The following SETDB2 variants were observed in gnomAD, a reference collection of about 807,000 sequenced individuals.
The protein encoded by SETDB2 is histone-lysine N-methyltransferase SETDB2.
Under a neutral mutation model 82.5 loss-of-function variants are expected in SETDB2, and 56 were observed. The ratio of observed to expected loss-of-function variants is 0.68; its 90% CI spans 0.55 to 0.85. The LOEUF (loss-of-function observed/expected upper bound fraction) is 0.85, where lower values mean the gene tolerates loss of function less well. Among genes scored for constraint, SETDB2 ranks in the 40% least tolerant of loss-of-function variants. SETDB2 has a pLI of 0.00. For synonymous variants in SETDB2, 272 were observed against 284.9 expected (o/e 0.95, Z 0.46); for missense variants, 677 against 816.4 (o/e 0.83, Z 2.08).
intron 5 of SETDB2, among the ~76,000 whole-genome samples, chr13:49,473,393 A>T (rs1536194): frequency 0.72 from 108,758 of 151,406 alleles, 39,301 homozygotes; most frequent in East Asian, 0.82. Context: ...CTACCAAAAA[A>T]GCAAAAAATT....
intron 1 of SETDB2, among the ~76,000 whole-genome samples, chr13:49,448,338 A>G (rs951891992): frequency 2.6e-5 from 4 of 152,054 alleles, no homozygotes; most frequent in African/African-American, 7.2e-5. Context: ...TTCATTTGTT[A>G]TTATTTATTT....
intron 4 of SETDB2, among the ~76,000 whole-genome samples, chr13:49,462,015 G>A (rs1264081033): frequency 4.6e-5 from 7 of 152,224 alleles, no homozygotes; most frequent in Admixed American, 4.6e-4. Flanking sequence ...GCAAAGTTGG[G>A]AAGGGCCTGA....
intron 4 of SETDB2, among the ~76,000 whole-genome samples, chr13:49,462,836 C>T (rs1207235320): frequency 6.6e-6 from 1 of 152,098 alleles, no homozygotes; most frequent in African/African-American, 2.4e-5. Context: ...TACAGTATAG[C>T]TTTAGAAGAG....
chr13:49,467,826 C>A, intron 4 of SETDB2, 38 bp from the exon 5 acceptor site: 1 of 1,499,792 alleles, frequency 6.7e-7, no homozygotes, highest in South Asian at 1.2e-5. Flanking sequence ...TGGTTTTTAA[C>A]TTGGTATATT....
chr13:49,485,308 G>A (rs930380450), intron 10 of SETDB2, among the ~76,000 whole-genome samples: 1 of 152,178 alleles, frequency 6.6e-6, no homozygotes, highest in Non-Finnish European at 1.5e-5. Context: ...TTATAATCTA[G>A]TAATAACACT....
Position 49,483,464 on chromosome 13 carries a change from G to T in SETDB2, c.1383G>T (p.Val461=). 1 of 1,298,712 alleles carries T rather than the reference G, an allele frequency of 7.7e-7. No homozygotes were observed. Among genetic ancestry groups the T allele is most frequent in the Non-Finnish European group, 1.1e-6 (1 of 945,818 alleles). 80.4% of individuals were successfully genotyped at this position (1,298,712 alleles called of 1,614,324 possible). Residue 461 remains valine, a splice_region_variant and synonymous_variant, in exon 10 of 14, where the codon GTG becomes GTT. Coordinates refer to ENST00000611815, the MANE Select transcript of SETDB2 (RefSeq NM_001160308.3). ...AGAATAACTTTTTTTTCCTTTTTAG[G>T]GAAACGAAATATGATAATATTTCAA... ...KFSNNPKELT[V]ETKYDNISRI...
At chr13:49,484,242 A>T (rs984887182) in intron 10 of SETDB2, among the ~76,000 whole-genome samples, 11 of 152,090 alleles carry the variant, frequency 7.2e-5, no homozygotes, top group Admixed American at 2.0e-4. Flanking sequence ...AAAGTAATTT[A>T]GGTGAAGGAG....
rs1958508356 is a variant in SETDB2 at position 49,482,933 on chromosome 13, G to A, written c.1353G>A (p.Lys451=). The A allele has an allele frequency of 6.2e-7, 1 of 1,612,408 alleles. No homozygotes were observed. The highest frequency in any genetic ancestry group is 8.5e-7 in the Non-Finnish European group (1 of 1,179,266). Reference sequence around the variant, plus strand: ...CTAAAACTGAGAAATGTCCACCAAAGTTCAGTAATAATCCCAAGGAGCTTA... The same window carrying A: ...CTAAAACTGAGAAATGTCCACCAAAATTCAGTAATAATCCCAAGGAGCTTA... ...RTAKTEKCPP[K]FSNNPKELTV... is the part of the protein sequence containing the mutation. The change falls in exon 9 of 14, where the codon AAG becomes AAA. Residue 451 remains lysine, a synonymous_variant. Transcript: ENST00000611815.
chr13:49,470,856 A>T (rs1338889116), intron 5 of SETDB2, among the ~76,000 whole-genome samples: 1 of 152,020 alleles, frequency 6.6e-6, no homozygotes, highest in Admixed American at 6.6e-5. Context: ...AAAAAAGATT[A>T]TACAAACTAT....
At position 49,485,708 on chromosome 13, in the gene SETDB2, A is replaced by T; in HGVS notation, c.1561A>T (p.Thr521Ser). ...KPPREHLNSK[T>S]KGAQKDSSSN... ...ACCCCGAGAGCATCTGAACTCTAAAACCAAGGGAGCACAAAGTAGGCTTTG... is the reference window on the plus strand; with the variant it reads ...ACCCCGAGAGCATCTGAACTCTAAATCCAAGGGAGCACAAAGTAGGCTTTG... Residue 521 changes from threonine (T) to serine (S), a missense_variant, in exon 11 of 14, where the codon ACC (threonine) becomes TCC (serine). Transcript: ENST00000611815. The T allele has an allele frequency of 6.2e-7, 1 of 1,613,980 alleles. No individual in the cohort carries two copies.
chr13:49,448,890 A>G (rs1957739130), intron 1 of SETDB2, among the ~76,000 whole-genome samples: 1 of 152,142 alleles, frequency 6.6e-6, no homozygotes, highest in Non-Finnish European at 1.5e-5. Context: ...TTTGCTTTAT[A>G]TATTTCAGAG....
At chr13:49,489,132 T>G (rs1394560281) in intron 12 of SETDB2, 1 of 152,948 alleles carries the variant, frequency 6.5e-6, no homozygotes, top group African/African-American at 2.4e-5. Context: ...TTTTGTTTTT[T>G]TTGAGACAGA....
intron 5 of SETDB2, among the ~76,000 whole-genome samples, chr13:49,472,922 G>A (rs1002601586): frequency 6.6e-6 from 1 of 151,958 alleles, no homozygotes; most frequent in East Asian, 1.9e-4. Context: ...TTTTAATCTA[G>A]TTTGGCTTTC....
At chr13:49,474,844 A>C (rs1215306590) in intron 5 of SETDB2, among the ~76,000 whole-genome samples, 1 of 152,256 alleles carries the variant, frequency 6.6e-6, no homozygotes, top group Non-Finnish European at 1.5e-5. Context: ...AAATTAGATA[A>C]AATGTAAAAA....
chr13:49,477,145 T>C, intron 6 of SETDB2, 106 bp downstream of exon 6: 1 of 1,096,580 alleles, frequency 9.1e-7, no homozygotes. Flanking sequence ...TGTTCAAGAG[T>C]TACAGTAAGA....
At position 49,460,212 on chromosome 13, in the gene SETDB2, A is replaced by G. The variant is rs748235391; in HGVS notation, c.122A>G (p.Asp41Gly). The G allele has an allele frequency of 6.2e-6, 10 of 1,612,822 alleles. No homozygotes were observed. The highest frequency in any genetic ancestry group is 8.5e-7 in the Non-Finnish European group (1 of 1,179,506). The stretch of plus-strand genomic sequence containing the variant: ...CAGTCACTGAAACAAAAGATCAAAG[A>G]TGGGTCTGCCACCAATAAAGGTATG... ...VLQSLKQKIK[D>G]GSATNKEYIQ... The change falls in exon 3 of 14, where the codon GAT (aspartate) becomes GGT (glycine). Residue 41 changes from aspartate to glycine, a missense_variant. Asp to Gly is a moderately conservative substitution (Grantham distance 94). Coordinates refer to ENST00000611815, the MANE Select transcript of SETDB2 (RefSeq NM_001160308.3).
intron 4 of SETDB2, among the ~76,000 whole-genome samples, chr13:49,463,071 T>A (rs1046081513): frequency 6.6e-6 from 1 of 152,158 alleles, no homozygotes; most frequent in African/African-American, 2.4e-5. Context: ...AGTGGTGGTA[T>A]CTCAGCTCAC....
chr13:49,467,310 G>T (rs937346455), intron 4 of SETDB2, among the ~76,000 whole-genome samples: 3 of 152,018 alleles, frequency 2.0e-5, no homozygotes, highest in Non-Finnish European at 4.4e-5. Context: ...CAGGAGAATC[G>T]TTTGAACCTA....
At chr13:49,478,771 C>A (rs1010783116) in intron 6 of SETDB2, among the ~76,000 whole-genome samples, 27 of 151,914 alleles carry the variant, frequency 1.8e-4, no homozygotes, top group African/African-American at 6.3e-4. Context: ...TACAAAAATA[C>A]AAAAGTTAGC....
Sources: allele counts gnomAD v4.1 joint callset (sites outside exome capture counted in the v4.1 genomes callset), GRCh38; gene constraint gnomAD v4.1.1; transcripts MANE v1.5; gene names NCBI Gene and HGNC (gene_info 2026-07-23, HGNC 2026-07-21).